APBB2: variants seen among roughly 807,000 people sequenced by gnomAD.
The protein encoded by APBB2 is amyloid beta precursor protein binding family B member 2, also known as Fe65-like 1.
A neutral mutation model predicts 82.5 loss-of-function variants in APBB2; 38 were observed. The ratio of observed to expected loss-of-function variants is 0.46; its 90% CI spans 0.36 to 0.60. The LOEUF (loss-of-function observed/expected upper bound fraction) is 0.60, where lower values mean the gene tolerates loss of function less well. APBB2 is among the 20% of genes least tolerant of loss of function. The pLI is 0.00. For synonymous variants in APBB2, 341 were observed against 368.2 expected (o/e 0.93, Z 0.85); for missense variants, 772 against 972.3 (o/e 0.79, Z 2.74).
intron 6 of APBB2, among the ~76,000 whole-genome samples, chr4:40,968,391 G>A (rs1374265212): frequency 1.3e-5 from 2 of 152,104 alleles, no homozygotes; most frequent in African/African-American, 2.4e-5. Context: ...CCAGGGCCTC[G>A]CTTGGATTCA....
chr4:41,210,914 A>G (rs1378171827), intron 1 of APBB2, among the ~76,000 whole-genome samples: 1 of 152,252 alleles, frequency 6.6e-6, no homozygotes, highest in East Asian at 1.9e-4. Flanking sequence ...TGCTTACAGC[A>G]TAAGATGATA....
At chr4:40,846,133 C>A (rs188877370) in intron 12 of APBB2, among the ~76,000 whole-genome samples, 5 of 151,654 alleles carry the variant, frequency 3.3e-5, no homozygotes, top group Admixed American at 3.3e-4. Flanking sequence ...ATCATAGAGG[C>A]CTTCAGGTCC....
intron 3 of APBB2, among the ~76,000 whole-genome samples, chr4:41,079,007 G>T (rs1329288465): frequency 6.6e-6 from 1 of 152,198 alleles, no homozygotes; most frequent in African/African-American, 2.4e-5. Context: ...AAAGAGGCAG[G>T]AGCAGGAGGG....
chr4:41,183,165 TTA>T (rs1350369296), intron 1 of APBB2, among the ~76,000 whole-genome samples: 3 of 152,204 alleles, frequency 2.0e-5, no homozygotes, highest in African/African-American at 7.2e-5. Context: ...CAGCTGTACC[TTA>T]TATCTGGAAC....
intron 6 of APBB2, among the ~76,000 whole-genome samples, chr4:40,965,457 A>G (rs1794446113): frequency 6.6e-6 from 1 of 152,150 alleles, no homozygotes; most frequent in Non-Finnish European, 1.5e-5. Context: ...CCAATAGGGG[A>G]GTCAGTGGCC....
chr4:40,982,222 G>GAAAGA (rs1560445116), intron 6 of APBB2, among the ~76,000 whole-genome samples: 669 of 34,132 alleles, frequency 0.02, 115 homozygotes, highest in East Asian at 0.051. Flanking sequence ...GAAAAGAAAG[G>GAAAGA]AAAGAAAGAA....
At chr4:40,946,645 G>C (rs897306449) in intron 6 of APBB2, among the ~76,000 whole-genome samples, 1 of 151,932 alleles carries the variant, frequency 6.6e-6, no homozygotes, top group Non-Finnish European at 1.5e-5. Context: ...GAGATGGAGG[G>C]GTAATAAGGG....
chr4:40,972,115 A>C (rs1461052456), intron 6 of APBB2, among the ~76,000 whole-genome samples: 4 of 152,202 alleles, frequency 2.6e-5, no homozygotes, highest in Non-Finnish European at 4.4e-5. Flanking sequence ...ATACAGGATT[A>C]ATCCAACAAT....
intron 6 of APBB2, among the ~76,000 whole-genome samples, chr4:40,994,166 A>G (rs1802956993): frequency 1.3e-5 from 2 of 152,082 alleles, no homozygotes; most frequent in Admixed American, 6.5e-5. Context: ...GGGCGCCTGT[A>G]GTCCCAGCTA....
intron 12 of APBB2, among the ~76,000 whole-genome samples, chr4:40,886,768 C>T (rs548048934): frequency 1.3e-5 from 2 of 152,320 alleles, no homozygotes; most frequent in South Asian, 2.1e-4. Context: ...CACCTGCGTA[C>T]GTCCTCCTTT....
At chr4:40,995,178 G>A (rs1579091071) in intron 6 of APBB2, among the ~76,000 whole-genome samples, 1 of 152,190 alleles carries the variant, frequency 6.6e-6, no homozygotes, top group Non-Finnish European at 1.5e-5. Context: ...GGTTTCCTAT[G>A]CAGTTGAGTA....
intron 6 of APBB2, among the ~76,000 whole-genome samples, chr4:40,993,978 G>A (rs953857436): frequency 5.9e-5 from 9 of 151,944 alleles, no homozygotes; most frequent in African/African-American, 2.2e-4. Context: ...TAGGGCCCAG[G>A]TATCTACATT....
chr4:41,053,075 T>C (rs1726637767), intron 4 of APBB2, among the ~76,000 whole-genome samples: 2 of 152,198 alleles, frequency 1.3e-5, no homozygotes, highest in Admixed American at 6.5e-5. Flanking sequence ...GGAAAAATTT[T>C]TCATTAAAGA....
intron 1 of APBB2, among the ~76,000 whole-genome samples, chr4:41,204,172 G>T (rs537279917): frequency 1.3e-5 from 2 of 152,230 alleles, no homozygotes; most frequent in African/African-American, 4.8e-5. Context: ...CTGGCATGTC[G>T]TAAGAACGAG....
At chr4:41,146,687 C>T (rs755255444) in intron 1 of APBB2, among the ~76,000 whole-genome samples, 8 of 152,174 alleles carry the variant, frequency 5.3e-5, no homozygotes, top group Non-Finnish European at 1.0e-4. Context: ...CCACACCAAT[C>T]AGAAACCCAG....
chr4:40,890,563 T>C lies in APBB2; in HGVS notation c.1402-72A>G, dbSNP rs189495496. 86 of 1,573,544 alleles carry C rather than the reference T, an allele frequency of 5.5e-5. No homozygotes were observed. In the African/African-American group the frequency reaches 1.1e-3, roughly 21 times the overall value. ...AAGCCTAATCGTGTGTGTGGCCATCTAGGAATGCCGTGTCAACCATCAGAA... is the reference window on the plus strand; with the variant it reads ...AAGCCTAATCGTGTGTGTGGCCATCCAGGAATGCCGTGTCAACCATCAGAA... On this transcript the variant is annotated intron_variant, in intron 11 of 17. Transcript: ENST00000508593.
chr4:41,198,374 A>G, intron 1 of APBB2, among the ~76,000 whole-genome samples: 12,204 of 152,290 alleles, frequency 0.08, 692 homozygotes, highest in Non-Finnish European at 0.12. Context: ...AGTTCAGGAG[A>G]TATTTGTAGA....
At chr4:41,067,003 C>A (rs990434789) in intron 3 of APBB2, among the ~76,000 whole-genome samples, 1 of 152,098 alleles carries the variant, frequency 6.6e-6, no homozygotes, top group Non-Finnish European at 1.5e-5. Flanking sequence ...GTACTTGGAA[C>A]CATCCGGAAG....
chr4:40,816,256 G>A lies in APBB2; in HGVS notation c.2116C>T (p.Arg706Ter). Residue 706 changes from arginine (R) to a stop codon, truncating the protein, a stop_gained, in exon 18 of 18, where the codon CGA becomes TGA. Transcript: ENST00000508593. LOFTEE classifies it high-confidence loss of function. ...SEAVQAACML[R>*]YQKCLVARPP... ...CTGGCTACCAAGCACTTCTGATATC[G>A]TAACTGAAATAAAACAAAACGTGTT... 1.2e-6 allele frequency: 2 copies of A among 1,614,106 alleles called. No individual in the cohort carries two copies. Among genetic ancestry groups the A allele is most frequent in the Non-Finnish European group, 1.7e-6 (2 of 1,180,010 alleles).
Sources: gnomAD v4.1 joint callset for allele counts (sites outside exome capture counted in the v4.1 genomes callset) on GRCh38, gnomAD v4.1.1 for gene constraint, MANE v1.5 for transcripts, NCBI Gene and HGNC (gene_info 2026-07-23, HGNC 2026-07-21) for gene names.